THAP3: variants seen among roughly 807,000 people sequenced by gnomAD.
THAP3 encodes the protein THAP domain-containing protein 3.
Under a neutral mutation model 17.7 loss-of-function variants are expected in THAP3, and 12 were observed. The ratio of observed to expected loss-of-function variants is 0.68; its 90% CI spans 0.43 to 1.10. The LOEUF (loss-of-function observed/expected upper bound fraction) is 1.10, where lower values mean the gene tolerates loss of function less well. Among genes scored for constraint, THAP3 ranks in the 50% least tolerant of loss-of-function variants. The probability of loss-of-function intolerance (pLI) is 0.00; values close to 1 mark genes in which losing one functional copy is unlikely to be tolerated. For missense variants in THAP3, 289 were observed against 318.0 expected (o/e 0.91, Z 0.69); for synonymous variants, 133 against 126.9 (o/e 1.05, Z -0.32).
chr1:6,625,208 C>G lies in THAP3; in HGVS notation c.-11C>G. The stretch of plus-strand genomic sequence containing the variant: ...GCCATCTTTGTTGGGGGCAGCCAGG[C>G]CTGGCTCGAGATGCCGAAGTCGTGC... On this transcript the variant is annotated 5_prime_UTR_variant, in exon 2 of 6. Coordinates refer to ENST00000054650, the MANE Select transcript of THAP3 (RefSeq NM_001195753.2). 2 of 1,539,952 alleles carry G rather than the reference C, an allele frequency of 1.3e-6. No homozygotes were observed. The highest frequency in any genetic ancestry group is 2.4e-5 in the South Asian group (2 of 83,442).
intron 3 of THAP3, 151 bp from the exon 4 acceptor site, chr1:6,630,137 G>T: frequency 1.4e-6 from 1 of 734,560 alleles, no homozygotes. Context: ...GTGTGAGTTG[G>T]GCTGAGCTTC....
chr1:6,627,941 C>G (rs1641507234), intron 2 of THAP3: 1 of 155,220 alleles, frequency 6.4e-6, no homozygotes, highest in Admixed American at 6.3e-5. Context: ...CCCACTCCCT[C>G]TCGCTGTCTC....
intron 3 of THAP3, among the ~76,000 whole-genome samples, chr1:6,629,315 A>T (rs992455231): frequency 6.6e-6 from 1 of 151,804 alleles, no homozygotes; most frequent in Non-Finnish European, 1.5e-5. Context: ...AGCTCCCTGC[A>T]TTGGTGGATT....
chr1:6,630,308 C>T lies in THAP3; in HGVS notation c.288C>T (p.Asp96=), dbSNP rs1641574232. The part of the protein sequence containing the change: ...DPTQQVRENT[D]PASERGNASS... ...TGTAGCAGGTGAGGGAGAACACAGA[C>T]CCTGCCAGTGAGAGAGGAAATGCCA... Residue 96 remains aspartate (D), a synonymous_variant, in exon 4 of 6, where the codon GAC becomes GAT. Coordinates refer to ENST00000054650, the MANE Select transcript of THAP3 (RefSeq NM_001195753.2). 1.9e-6 allele frequency: 3 copies of T among 1,614,130 alleles called. No homozygotes were observed. Among genetic ancestry groups the T allele is most frequent in the Non-Finnish European group, 2.5e-6 (3 of 1,180,020 alleles).
rs777199695 is a variant in THAP3 at position 6,630,284 on chromosome 1, G to A, written c.268-4G>A. ...TGCATCCACTCTGTGTGTGTCTCTTGTAGCAGGTGAGGGAGAACACAGACC... is the reference window on the plus strand; with the variant it reads ...TGCATCCACTCTGTGTGTGTCTCTTATAGCAGGTGAGGGAGAACACAGACC... On this transcript the variant is annotated splice_region_variant and splice_polypyrimidine_tract_variant and intron_variant, in intron 3 of 5. Coordinates refer to ENST00000054650, the MANE Select transcript of THAP3 (RefSeq NM_001195753.2). The A allele has an allele frequency of 9.3e-6, 15 of 1,614,002 alleles. No homozygotes were observed. The Middle Eastern group carries it at 4.9e-4, about 53-fold the overall frequency.
intron 4 of THAP3, among the ~76,000 whole-genome samples, chr1:6,630,773 C>T (rs1199749624): frequency 1.3e-5 from 2 of 151,984 alleles, no homozygotes; most frequent in South Asian, 2.1e-4. Flanking sequence ...GGTTTTACCA[C>T]GTTGGCCAGG....
chr1:6,625,559 C>T (rs1024424221), intron 2 of THAP3, among the ~76,000 whole-genome samples: 9 of 151,942 alleles, frequency 5.9e-5, no homozygotes, highest in African/African-American at 2.2e-4. Flanking sequence ...AACAGACTAG[C>T]GGGCCGCGGC....
chr1:6,631,412 G>GAA (rs1219294136), intron 4 of THAP3, among the ~76,000 whole-genome samples: 9 of 152,146 alleles, frequency 5.9e-5, no homozygotes, highest in South Asian at 2.1e-4. Context: ...TGGATGTCTT[G>GAA]AGGCTAGGAG....
rs1465624498 is a variant in THAP3, at chr1:6,633,057, G to A, written c.700G>A (p.Gly234Arg). Residue 234 changes from glycine to arginine, a missense_variant, in exon 6 of 6, where the codon GGG becomes AGG. Physicochemically the swap from Gly to Arg is moderately radical, Grantham distance 125. Transcript: ENST00000054650. ...GCACCAGGGACTCCAGGCCAGACTT[G>A]GGCCAGAGCAGCAGAGCTGAGCCCC... The part of the protein sequence containing the change: ...KGHQGLQARL[G>R]PEQQS The A allele has an allele frequency of 6.2e-7, 1 of 1,605,286 alleles. No homozygotes were observed. The highest frequency in any genetic ancestry group is 8.5e-7 in the Non-Finnish European group (1 of 1,176,798).
intron 2 of THAP3, among the ~76,000 whole-genome samples, chr1:6,626,546 T>C (rs1263960943): frequency 1.3e-5 from 2 of 151,810 alleles, no homozygotes; most frequent in African/African-American, 4.8e-5. Context: ...GACAAATACA[T>C]GGTTCTGGAG....
In THAP3 at chr1:6,625,232, G is replaced by A. The variant is rs1641429896; in HGVS notation, c.14G>A (p.Cys5Tyr). Residue 5 changes from cysteine to tyrosine, a missense_variant, in exon 2 of 6, where the codon TGC becomes TAC. By Grantham distance (194) the Cys-to-Tyr change is radical (BLOSUM62 -2). Transcript: ENST00000054650. ...GCCTGGCTCGAGATGCCGAAGTCGT[G>A]CGCGGCCCGGCAGTGCTGCAACCGC... MPKS[C>Y]AARQCCNRYS... is the part of the protein sequence containing the mutation. 11 of 1,543,786 alleles carry A rather than the reference G, an allele frequency of 7.1e-6. No homozygotes were observed. The highest frequency in any genetic ancestry group is 9.6e-6 in the Non-Finnish European group (11 of 1,146,260).
downstream of THAP3, chr1:6,634,555 G>A (rs376340625): frequency 1.9e-4 from 260 of 1,365,130 alleles, no homozygotes; most frequent in Non-Finnish European, 2.4e-4. Context: ...CGCTTGCTCC[G>A]AGGGGTCAGC....
At chr1:6,628,824 G>T (rs145179117) in intron 3 of THAP3, 133 bp downstream of exon 3, 5 of 868,360 alleles carry the variant, frequency 5.8e-6, no homozygotes, top group Non-Finnish European at 7.0e-6. Context: ...GCACTGTCAC[G>T]CCTCTGGGGT....
chr1:6,628,826 C>A, intron 3 of THAP3, 135 bp downstream of exon 3: 1 of 849,016 alleles, frequency 1.2e-6, no homozygotes, highest in Non-Finnish European at 1.8e-6. Context: ...ACTGTCACGC[C>A]TCTGGGGTCC....
downstream of THAP3, chr1:6,634,679 C>T (rs1184571784): frequency 2.2e-6 from 3 of 1,366,162 alleles, no homozygotes; most frequent in South Asian, 1.1e-5. Flanking sequence ...ATTCTGCATC[C>T]CAAGTGGGCA....
chr1:6,627,273 G>A (rs904325454), intron 2 of THAP3, among the ~76,000 whole-genome samples: 3 of 152,250 alleles, frequency 2.0e-5, no homozygotes, highest in South Asian at 2.1e-4. Flanking sequence ...AGGGTTGGCC[G>A]CCACACTGAC....
chr1:6,625,710 A>T (rs1251284317), intron 2 of THAP3, among the ~76,000 whole-genome samples: 1 of 151,498 alleles, frequency 6.6e-6, no homozygotes, highest in Non-Finnish European at 1.5e-5. Context: ...GGGTCGCGGG[A>T]GGACGCTGGA....
downstream of THAP3, chr1:6,634,903 AGGTGGGTGGTGCAGGC>A: frequency 8.5e-7 from 1 of 1,182,968 alleles, no homozygotes; most frequent in Non-Finnish European, 1.1e-6. Context: ...TGCACTCTGG[AGGTGGGTGGTGCAGGC>A]GGTGGAGGGA....
chr1:6,628,633 G>A lies in THAP3; in HGVS notation c.209G>A (p.Arg70His), dbSNP rs925967261. The change falls in exon 3 of 6, where the codon CGC becomes CAC. Residue 70 changes from arginine (R) to histidine (H), a missense_variant. Arg to His is a conservative substitution (Grantham distance 29). Transcript: ENST00000054650. ...RPECFSAFGN[R>H]KNLKHNAVPT... ...GAGTGCTTCAGCGCCTTTGGAAACC[G>A]CAAGAACCTAAAGCACAATGCCGTG... 6.2e-7 allele frequency: 1 copy of A among 1,613,740 alleles called. No homozygotes were observed. The highest frequency in any genetic ancestry group is 8.5e-7 in the Non-Finnish European group (1 of 1,179,988).
Sources: allele counts gnomAD v4.1 joint callset (sites outside exome capture counted in the v4.1 genomes callset), GRCh38; gene constraint gnomAD v4.1.1; transcripts MANE v1.5; gene names NCBI Gene and HGNC (gene_info 2026-07-23, HGNC 2026-07-21).